The following CAMKMT variants were observed in gnomAD, a reference collection of about 807,000 sequenced individuals.
The protein encoded by CAMKMT is calmodulin-lysine N-methyltransferase.
A neutral mutation model predicts 48.0 loss-of-function variants in CAMKMT; 53 were observed. That is an observed-to-expected ratio of 1.10 (90% CI 0.89 to 1.39). The LOEUF (loss-of-function observed/expected upper bound fraction) is 1.39, where lower values mean the gene tolerates loss of function less well. CAMKMT is among the 40% of genes most tolerant of loss of function. The pLI, the probability that CAMKMT is intolerant of heterozygous loss-of-function variation, is 0.00. For missense variants in CAMKMT, 428 were observed against 402.7 expected (o/e 1.06, Z -0.54); for synonymous variants, 165 against 152.3 (o/e 1.08, Z -0.61).
chr2:44,737,515 G>A (rs980124533), intron 7 of CAMKMT, among the ~76,000 whole-genome samples: 7 of 152,148 alleles, frequency 4.6e-5, no homozygotes, highest in African/African-American at 1.7e-4. Context: ...CCCTACTATT[G>A]AGACAAGACC....
intron 3 of CAMKMT, among the ~76,000 whole-genome samples, chr2:44,472,219 C>T (rs375800122): frequency 9.2e-5 from 14 of 152,074 alleles, no homozygotes; most frequent in African/African-American, 2.7e-4. Context: ...TACAGGTGCC[C>T]GCCACCACAC....
intron 3 of CAMKMT, among the ~76,000 whole-genome samples, chr2:44,453,885 T>C (rs887822334): frequency 6.6e-6 from 1 of 152,066 alleles, no homozygotes; most frequent in Non-Finnish European, 1.5e-5. Flanking sequence ...TGCTTTTTAG[T>C]CTTTCAGAGT....
At chr2:44,735,814 G>A (rs1479404948) in intron 7 of CAMKMT, among the ~76,000 whole-genome samples, 1 of 152,098 alleles carries the variant, frequency 6.6e-6, no homozygotes, top group Non-Finnish European at 1.5e-5. Context: ...TCGGGAGGCT[G>A]AGACAGGAGA....
At chr2:44,414,665 C>T (rs1269633411) in intron 3 of CAMKMT, among the ~76,000 whole-genome samples, 3 of 152,148 alleles carry the variant, frequency 2.0e-5, no homozygotes, top group African/African-American at 7.2e-5. Flanking sequence ...CCCTAATCCC[C>T]TGAGAGAGGG....
At chr2:44,540,731 A>G (rs1336455264) in intron 3 of CAMKMT, among the ~76,000 whole-genome samples, 4 of 152,234 alleles carry the variant, frequency 2.6e-5, no homozygotes, top group African/African-American at 9.6e-5. Context: ...AGCCTGGGCA[A>G]CACAGCAAGA....
chr2:44,753,306 A>C (rs1222878448), intron 8 of CAMKMT, among the ~76,000 whole-genome samples: 1 of 149,062 alleles, frequency 6.7e-6, no homozygotes, highest in African/African-American at 2.5e-5. Flanking sequence ...GCACAACTGT[A>C]GTCCCAGCTA....
chr2:44,407,725 A>G (rs1315736885), intron 3 of CAMKMT, among the ~76,000 whole-genome samples: 1 of 152,208 alleles, frequency 6.6e-6, no homozygotes, highest in Non-Finnish European at 1.5e-5. Context: ...AGATGGGCAG[A>G]CTGAAGGCAA....
At chr2:44,569,158 CTA>C (rs1668774569) in intron 3 of CAMKMT, among the ~76,000 whole-genome samples, 1 of 152,082 alleles carries the variant, frequency 6.6e-6, no homozygotes, top group African/African-American at 2.4e-5. Context: ...ACAATTGTAC[CTA>C]GAGACAACTC....
chr2:44,462,724 A>G (rs1468911790), intron 3 of CAMKMT, among the ~76,000 whole-genome samples: 1 of 152,214 alleles, frequency 6.6e-6, no homozygotes, highest in East Asian at 1.9e-4. Context: ...TGTGTGCAAG[A>G]GGAACATTAT....
At chr2:44,629,050 G>C (rs1038690288) in intron 3 of CAMKMT, among the ~76,000 whole-genome samples, 24 of 152,106 alleles carry the variant, frequency 1.6e-4, no homozygotes, top group African/African-American at 3.9e-4. Flanking sequence ...TAGTGTTATT[G>C]TCATATTCTA....
At chr2:44,607,188 C>T (rs970421651) in intron 3 of CAMKMT, among the ~76,000 whole-genome samples, 1 of 152,196 alleles carries the variant, frequency 6.6e-6, no homozygotes, top group Non-Finnish European at 1.5e-5. Flanking sequence ...TTTTTATTCC[C>T]ATTTACCTCT....
chr2:44,747,480 C>T (rs1679969323), intron 8 of CAMKMT, among the ~76,000 whole-genome samples: 1 of 152,082 alleles, frequency 6.6e-6, no homozygotes, highest in Admixed American at 6.5e-5. Context: ...ATGAATCACC[C>T]AAGATTGCTC....
At chr2:44,597,318 C>G (rs1670723123) in intron 3 of CAMKMT, among the ~76,000 whole-genome samples, 1 of 152,180 alleles carries the variant, frequency 6.6e-6, no homozygotes, top group Non-Finnish European at 1.5e-5. Context: ...CCTTAGCTAC[C>G]TCCATACTTC....
intron 8 of CAMKMT, among the ~76,000 whole-genome samples, chr2:44,749,514 G>C (rs1169357987): frequency 6.6e-6 from 1 of 152,226 alleles, no homozygotes; most frequent in Non-Finnish European, 1.5e-5. Context: ...AGCTCCTTGA[G>C]AATGGGAACT....
intron 3 of CAMKMT, among the ~76,000 whole-genome samples, chr2:44,631,881 C>T (rs1672853723): frequency 6.6e-6 from 1 of 151,902 alleles, no homozygotes; most frequent in South Asian, 2.1e-4. Context: ...TAGGTGTTCC[C>T]TAAGGTTTAA....
At chr2:44,745,325 G>A (rs1228386637) in intron 8 of CAMKMT, among the ~76,000 whole-genome samples, 1 of 152,176 alleles carries the variant, frequency 6.6e-6, no homozygotes. Context: ...CTCTCACCAT[G>A]TCATCCTATT....
At chr2:44,538,293 G>A (rs752184687) in intron 3 of CAMKMT, among the ~76,000 whole-genome samples, 28 of 151,714 alleles carry the variant, frequency 1.8e-4, no homozygotes, top group Admixed American at 3.3e-4. Context: ...GCTTGAACCC[G>A]GGAGGTGGAG....
chr2:44,448,485 A>G (rs1049019722), intron 3 of CAMKMT, among the ~76,000 whole-genome samples: 1 of 152,234 alleles, frequency 6.6e-6, no homozygotes, highest in African/African-American at 2.4e-5. Context: ...GTCTTTGGAC[A>G]TACATATATT....
intron 3 of CAMKMT, among the ~76,000 whole-genome samples, chr2:44,491,871 G>T (rs1669525732): frequency 6.6e-6 from 1 of 152,162 alleles, no homozygotes; most frequent in Non-Finnish European, 1.5e-5. Flanking sequence ...AGAAAAGTTT[G>T]TAGAGCATGA....
Sources: gnomAD v4.1 joint callset for allele counts (sites outside exome capture counted in the v4.1 genomes callset) on GRCh38, gnomAD v4.1.1 for gene constraint, MANE v1.5 for transcripts, NCBI Gene and HGNC (gene_info 2026-07-23, HGNC 2026-07-21) for gene names.